PDE3B: variants seen among roughly 807,000 people sequenced by gnomAD.
The protein encoded by PDE3B is phosphodiesterase 3B, also known as cGMP-inhibited 3',5'-cyclic phosphodiesterase 3B.
A neutral mutation model predicts 116.8 loss-of-function variants in PDE3B; 66 were observed. That is an observed-to-expected ratio of 0.56 (90% CI 0.46 to 0.69). The LOEUF (loss-of-function observed/expected upper bound fraction) is 0.69, where lower values mean the gene tolerates loss of function less well. Among genes scored for constraint, PDE3B ranks in the 30% least tolerant of loss-of-function variants. The pLI, the probability that PDE3B is intolerant of heterozygous loss-of-function variation, is 0.00. For synonymous variants in PDE3B, 595 were observed against 533.6 expected (o/e 1.12, Z -1.59); for missense variants, 1,384 against 1,368.1 (o/e 1.01, Z -0.18).
In PDE3B at chr11:14,644,329, T is replaced by C; in HGVS notation, c.254T>C (p.Leu85Pro). 1 of 1,574,570 alleles carries C rather than the reference T, an allele frequency of 6.4e-7. No individual in the cohort carries two copies. The change falls in exon 1 of 16, where the codon CTG (leucine) becomes CCG (proline). Residue 85 changes from leucine (L) to proline (P), a missense_variant. Leu to Pro is a moderately conservative substitution (Grantham distance 98, BLOSUM62 -3). Around this residue, in one of 2 missense-constraint regions of PDE3B, gnomAD observed 956 missense variants for 806.8 expected, o/e 1.18. Transcript: ENST00000282096. ...CGGGCGCGCCTCTCGCTGGGCGCCC[T>C]GGCTGCCTTTGTCCTCGCCCTGCTG... ...FCRARLSLGA[L>P]AAFVLALLLG...
At chr11:14,748,725 T>G (rs1856979273) in intron 1 of PDE3B, among the ~76,000 whole-genome samples, 1 of 152,164 alleles carries the variant, frequency 6.6e-6, no homozygotes, top group African/African-American at 2.4e-5. Context: ...TCATTATGGT[T>G]TTGGAAAGTA....
chr11:14,884,350 C>T, the PDE3B span, among the ~76,000 whole-genome samples: 1 of 151,818 alleles, frequency 6.6e-6, no homozygotes, highest in Non-Finnish European at 1.5e-5. Context: ...ACTATGCAGC[C>T]ATAAAAAATA....
chr11:14,897,278 G>T, the PDE3B span, among the ~76,000 whole-genome samples: 1 of 152,140 alleles, frequency 6.6e-6, no homozygotes, highest in Admixed American at 6.5e-5. Flanking sequence ...TTTAGAAAAT[G>T]TTCTTTGGGA....
intron 1 of PDE3B, among the ~76,000 whole-genome samples, chr11:14,714,708 C>A (rs1266472168): frequency 6.6e-6 from 1 of 152,120 alleles, no homozygotes; most frequent in Non-Finnish European, 1.5e-5. Context: ...GTGTGGTATC[C>A]ACCAGCCACA....
At chr11:14,661,237 G>T (rs538582553) in intron 1 of PDE3B, among the ~76,000 whole-genome samples, 7 of 152,220 alleles carry the variant, frequency 4.6e-5, no homozygotes, top group Admixed American at 6.5e-5. Flanking sequence ...TATTGTGGCA[G>T]TATTCACAAT....
chr11:14,892,440 C>G, the PDE3B span, among the ~76,000 whole-genome samples: 1 of 152,312 alleles, frequency 6.6e-6, no homozygotes, highest in East Asian at 1.9e-4. Context: ...TGGCGCGGCT[C>G]TAGGCGGAGC....
At chr11:14,785,849 T>TC (rs2133915409) in intron 2 of PDE3B, among the ~76,000 whole-genome samples, 1 of 152,186 alleles carries the variant, frequency 6.6e-6, no homozygotes, top group East Asian at 1.9e-4. Context: ...CTCATCATTT[T>TC]CCATAATATT....
chr11:14,704,140 C>G (rs11023311), intron 1 of PDE3B, among the ~76,000 whole-genome samples: 1 of 151,664 alleles, frequency 6.6e-6, no homozygotes, highest in East Asian at 1.9e-4. Context: ...TATTTAGATA[C>G]CAGCAATATT....
chr11:14,713,604 C>A (rs1358900270), intron 1 of PDE3B, among the ~76,000 whole-genome samples: 2 of 151,992 alleles, frequency 1.3e-5, no homozygotes, highest in Non-Finnish European at 2.9e-5. Context: ...TGAAACTAAA[C>A]CATTGGTTCT....
chr11:14,860,555 A>C (rs1555006971), intron 13 of PDE3B, among the ~76,000 whole-genome samples: 1 of 152,138 alleles, frequency 6.6e-6, no homozygotes, highest in Non-Finnish European at 1.5e-5. Flanking sequence ...TTCCGTGAAC[A>C]AGGCATTTTT....
intron 1 of PDE3B, among the ~76,000 whole-genome samples, chr11:14,715,367 C>T (rs1036481272): frequency 2.0e-5 from 3 of 152,086 alleles, no homozygotes; most frequent in African/African-American, 4.8e-5. Context: ...GCCATTTTCA[C>T]GATATTGATT....
intron 11 of PDE3B, among the ~76,000 whole-genome samples, chr11:14,836,965 T>C (rs1860075434): frequency 6.6e-6 from 1 of 152,170 alleles, no homozygotes. Flanking sequence ...AGATGCACGC[T>C]GCCATGCCTG....
chr11:14,819,338 C>T (rs1000015080), intron 7 of PDE3B, 129 bp downstream of exon 7: 10 of 578,266 alleles, frequency 1.7e-5, no homozygotes, highest in African/African-American at 1.5e-4. Flanking sequence ...ATTTTTTACC[C>T]ACTTCACAGA....
chr11:14,831,578 A>G (rs1411648423), intron 8 of PDE3B, 62 bp from the exon 9 acceptor site: 14 of 1,015,930 alleles, frequency 1.4e-5, no homozygotes, highest in Non-Finnish European at 4.2e-6. Flanking sequence ...TTCTCATTGT[A>G]ATATATATTT....
intron 1 of PDE3B, among the ~76,000 whole-genome samples, chr11:14,714,220 C>G (rs1021831780): frequency 6.7e-6 from 1 of 149,948 alleles, no homozygotes; most frequent in Non-Finnish European, 1.5e-5. Flanking sequence ...GAAAAAAAGA[C>G]CGTATAAATG....
chr11:14,810,312 C>T (rs1163689928), intron 5 of PDE3B, among the ~76,000 whole-genome samples: 2 of 110,116 alleles, frequency 1.8e-5, no homozygotes, highest in Admixed American at 1.1e-4. Context: ...TGCTATCCCT[C>T]CCCCCTCCCC....
chr11:14,873,816 CT>C (rs1252462930), downstream of PDE3B, among the ~76,000 whole-genome samples: 1 of 152,120 alleles, frequency 6.6e-6, no homozygotes, highest in Non-Finnish European at 1.5e-5. Context: ...ACAATGAGCC[CT>C]TTTTGCTTGC....
chr11:14,747,738 A>T (rs957409988), intron 1 of PDE3B, among the ~76,000 whole-genome samples: 1 of 152,192 alleles, frequency 6.6e-6, no homozygotes, highest in Non-Finnish European at 1.5e-5. Context: ...AAATTAATTC[A>T]TTTAAAATAT....
intron 7 of PDE3B, among the ~76,000 whole-genome samples, chr11:14,827,690 T>C (rs1859742413): frequency 1.3e-5 from 2 of 152,114 alleles, no homozygotes; most frequent in Non-Finnish European, 2.9e-5. Context: ...GGAAAAACAT[T>C]CTGTGCTCAT....
Sources: allele counts gnomAD v4.1 joint callset (sites outside exome capture counted in the v4.1 genomes callset), GRCh38; gene constraint gnomAD v4.1.1; regional missense constraint gnomAD v4.1.1; transcripts MANE v1.5; gene names NCBI Gene and HGNC (gene_info 2026-07-23, HGNC 2026-07-21).